Variants in AMZ2 observed in about 807,000 individuals in gnomAD.
AMZ2 encodes the protein archaemetzincin-2.
A neutral mutation model predicts 36.7 loss-of-function variants in AMZ2; 26 were observed. The ratio of observed to expected loss-of-function variants is 0.71; its 90% CI spans 0.52 to 0.98. The LOEUF (loss-of-function observed/expected upper bound fraction) is 0.98, where lower values mean the gene tolerates loss of function less well. Ranked by LOEUF, AMZ2 falls within the 50% of genes least tolerant of loss-of-function variation. The pLI is 0.00. For missense variants in AMZ2, 394 were observed against 430.5 expected (o/e 0.92, Z 0.75); for synonymous variants, 144 against 149.1 (o/e 0.97, Z 0.25).
At chr17:68,209,821 A>G (rs1301890399) in intron 1 of AMZ2, among the ~76,000 whole-genome samples, 1 of 151,242 alleles carries the variant, frequency 6.6e-6, no homozygotes, top group Non-Finnish European at 1.5e-5. Context: ...AGGTTTCACC[A>G]TGTTGGCCAG....
chr17:68,245,061 C>A (rs1201924992), upstream of AMZ2, among the ~76,000 whole-genome samples: 1 of 152,178 alleles, frequency 6.6e-6, no homozygotes, highest in African/African-American at 2.4e-5. Context: ...CCTTGGGCCA[C>A]TGGCATATAC....
At chr17:68,228,896 C>T (rs1445814325) in intron 1 of AMZ2, among the ~76,000 whole-genome samples, 5 of 152,354 alleles carry the variant, frequency 3.3e-5, no homozygotes, top group African/African-American at 1.2e-4. Flanking sequence ...GTGTGCTGGC[C>T]TGTTGGCCCT....
intron 1 of AMZ2, among the ~76,000 whole-genome samples, chr17:68,239,600 T>G (rs1235380870): frequency 8.5e-5 from 13 of 152,146 alleles, no homozygotes; most frequent in African/African-American, 2.9e-4. Context: ...ACACACACAT[T>G]AGTGGGACTC....
At chr17:68,231,078 T>C (rs1208856697) in intron 1 of AMZ2, among the ~76,000 whole-genome samples, 30 of 151,778 alleles carry the variant, frequency 2.0e-4, no homozygotes, top group Non-Finnish European at 3.2e-4. Flanking sequence ...CTTTTTTTTT[T>C]CCCAAGACCG....
At chr17:68,228,085 T>C (rs1436274924) in intron 1 of AMZ2, among the ~76,000 whole-genome samples, 2 of 152,100 alleles carry the variant, frequency 1.3e-5, no homozygotes, top group African/African-American at 2.4e-5. Flanking sequence ...GTTGTGCCCT[T>C]GTCTCCTTCA....
intron 1 of AMZ2, among the ~76,000 whole-genome samples, chr17:68,211,985 A>C (rs2073079113): frequency 6.6e-6 from 1 of 151,678 alleles, no homozygotes; most frequent in South Asian, 2.1e-4. Context: ...ATCTATCTGT[A>C]TATCTTTATC....
chr17:68,247,563 C>A (rs1389102190), upstream of AMZ2: 237 of 917,284 alleles, frequency 2.6e-4, no homozygotes, highest in Admixed American at 8.0e-4. Flanking sequence ...CCAGCCCCCG[C>A]GGCCCCCAAC....
At chr17:68,216,419 T>C (rs12603999) in intron 1 of AMZ2, among the ~76,000 whole-genome samples, 46,490 of 151,902 alleles carry the variant, frequency 0.31, 7,225 homozygotes, top group African/African-American at 0.35. Context: ...CAGGCCTGGG[T>C]CACCATGCCC....
At chr17:68,249,062 T>C in intron 1 of AMZ2, 3 of 1,186,154 alleles carry the variant, frequency 2.5e-6, no homozygotes, top group Non-Finnish European at 3.1e-6. Flanking sequence ...AAGCTCTATA[T>C]AGGAACACGA....
At chr17:68,217,229 C>CTTTATTT (rs71142145) in intron 1 of AMZ2, among the ~76,000 whole-genome samples, 1 of 151,630 alleles carries the variant, frequency 6.6e-6, no homozygotes, top group East Asian at 1.9e-4. Flanking sequence ...ACTCAGATGA[C>CTTTATTT]AAATACCTGT....
At chr17:68,208,815 G>A (rs1287334476) in intron 1 of AMZ2, among the ~76,000 whole-genome samples, 5 of 151,582 alleles carry the variant, frequency 3.3e-5, no homozygotes, top group African/African-American at 1.2e-4. Context: ...CCTTAAGAGC[G>A]GTAACACTCA....
intron 1 of AMZ2, among the ~76,000 whole-genome samples, chr17:68,213,198 C>G (rs1335406707): frequency 6.6e-6 from 1 of 152,156 alleles, no homozygotes; most frequent in Non-Finnish European, 1.5e-5. Context: ...GCTGCATTTG[C>G]CAGACAATGG....
chr17:68,244,865 C>A (rs1430816002), upstream of AMZ2, among the ~76,000 whole-genome samples: 16 of 152,122 alleles, frequency 1.1e-4, no homozygotes, highest in African/African-American at 3.9e-4. Context: ...TAAAGTTGAA[C>A]ACATGGATGT....
chr17:68,222,857 C>T (rs2073404309), intron 1 of AMZ2, among the ~76,000 whole-genome samples: 1 of 152,124 alleles, frequency 6.6e-6, no homozygotes, highest in African/African-American at 2.4e-5. Flanking sequence ...GCTGTGTGGC[C>T]CAGTTCCTAA....
intron 1 of AMZ2, among the ~76,000 whole-genome samples, chr17:68,212,387 A>T (rs1191837138): frequency 2.0e-5 from 3 of 151,848 alleles, no homozygotes; most frequent in Admixed American, 6.6e-5. Flanking sequence ...AGAAAAAAAA[A>T]TCTACCCTTG....
At chr17:68,209,598 G>GTT (rs1380292693) in intron 1 of AMZ2, among the ~76,000 whole-genome samples, 269 of 115,732 alleles carry the variant, frequency 2.3e-3, no homozygotes, top group African/African-American at 8.9e-3. Context: ...GTGTGTGTGT[G>GTT]TGTGTGTATA....
In AMZ2 at chr17:68,233,984, T is replaced by C. The variant is rs192547534; in HGVS notation, c.-66-14656T>C. Among the ~76,000 whole-genome samples the C allele has an allele frequency of 1.3e-3, 195 of 152,306 alleles. 1 individual carries two copies. The highest frequency in any genetic ancestry group is 4.6e-3 in the African/African-American group (191 of 41,576). ...AACAACTACGCTTTGTTTTTCTGGA[T>C]TGCTACTACAGCAAATCGTAGATTC... On this transcript the variant is annotated intron_variant, in intron 1 of 7. Transcript: ENST00000674770.
chr17:68,244,961 G>T (rs1377619507), upstream of AMZ2, among the ~76,000 whole-genome samples: 2 of 152,004 alleles, frequency 1.3e-5, no homozygotes, highest in Non-Finnish European at 2.9e-5. Flanking sequence ...ATTTGTAAAA[G>T]CTATTTTAAA....
chr17:68,250,525 A>C (rs1185762218), intron 2 of AMZ2, 55 bp downstream of exon 2: 11 of 1,581,282 alleles, frequency 7.0e-6, no homozygotes, highest in Non-Finnish European at 9.5e-6. Flanking sequence ...CGCTCTTGTC[A>C]GGAATAGTCC....
Sources: allele counts gnomAD v4.1 joint callset (sites outside exome capture counted in the v4.1 genomes callset), GRCh38; gene constraint gnomAD v4.1.1; transcripts MANE v1.5; gene names NCBI Gene and HGNC (gene_info 2026-07-23, HGNC 2026-07-21).